The following BCKDHB variants were observed in gnomAD, a reference collection of about 807,000 sequenced individuals.
BCKDHB encodes the protein branched chain keto acid dehydrogenase E1 subunit beta.
Under a neutral mutation model 48.5 loss-of-function variants are expected in BCKDHB, and 41 were observed. The ratio of observed to expected loss-of-function variants is 0.85; its 90% confidence interval spans 0.66 to 1.10. The LOEUF is 1.10. Among genes scored for constraint, BCKDHB ranks in the 50% least tolerant of loss-of-function variants. The pLI is 0.00. For missense variants in BCKDHB, 496 were observed against 494.2 expected, an observed-to-expected ratio of 1.00 and a Z score of -0.03; for synonymous variants, 201 against 174.8, an observed-to-expected ratio of 1.15 and a Z score of -1.18.
intron 8 of BCKDHB, among the ~76,000 whole-genome samples, chr6:80,226,952 C>T (rs954000631): frequency 3.3e-5 from 5 of 152,118 alleles, no homozygotes; most frequent in African/African-American, 9.7e-5. Flanking sequence ...GAGTCAACCT[C>T]TTCTTTATCT....
the BCKDHB span, among the ~76,000 whole-genome samples, chr6:80,456,874 T>A: frequency 6.6e-6 from 1 of 152,236 alleles, no homozygotes; most frequent in Non-Finnish European, 1.5e-5. Context: ...TTAGGACTAG[T>A]ACATCTTCCG....
chr6:80,324,231 C>T (rs555792077), intron 9 of BCKDHB, among the ~76,000 whole-genome samples: 21 of 152,112 alleles, frequency 1.4e-4, no homozygotes, highest in Non-Finnish European at 2.5e-4. Context: ...TACAATTTCC[C>T]AGCATTTAAA....
intron 9 of BCKDHB, among the ~76,000 whole-genome samples, chr6:80,332,729 C>G (rs960936798): frequency 8.3e-5 from 12 of 145,440 alleles, no homozygotes; most frequent in African/African-American, 2.5e-4. Flanking sequence ...AAAACACCTT[C>G]AAACTTACAT....
chr6:80,316,489 G>A (rs1488188936), intron 9 of BCKDHB, among the ~76,000 whole-genome samples: 1 of 151,904 alleles, frequency 6.6e-6, no homozygotes, highest in Non-Finnish European at 1.5e-5. Context: ...CAGCCACTAA[G>A]TTCATATCAT....
At chr6:80,413,915 G>A in the BCKDHB span, among the ~76,000 whole-genome samples, 1 of 151,976 alleles carries the variant, frequency 6.6e-6, no homozygotes, top group Non-Finnish European at 1.5e-5. Context: ...ACACTCCTAC[G>A]AATGTTGCCT....
At position 80,131,595 on chromosome 6, in the gene BCKDHB, G is replaced by A. The variant is rs147600687; in HGVS notation, c.343+2366G>A. ...CCTCCAATCCATTCCCTATCTTGTT[G>A]CCAGTGTGATGATTTTAACATGCAT... On this transcript the variant is annotated intron_variant, in intron 3 of 9. Transcript: ENST00000320393. 6.0e-5 allele frequency among the ~76,000 whole-genome samples: 9 copies of A among 150,966 alleles called. No individual in the cohort carries two copies. In the East Asian group the frequency reaches 1.4e-3, roughly 23 times the overall value.
At chr6:80,259,651 A>G (rs1777206629) in intron 8 of BCKDHB, among the ~76,000 whole-genome samples, 1 of 152,224 alleles carries the variant, frequency 6.6e-6, no homozygotes, top group Non-Finnish European at 1.5e-5. Context: ...TAGCCAAAAG[A>G]ATAATGATAC....
At chr6:80,288,944 T>C (rs1427470324) in intron 9 of BCKDHB, among the ~76,000 whole-genome samples, 1 of 152,096 alleles carries the variant, frequency 6.6e-6, no homozygotes, top group Admixed American at 6.6e-5. Context: ...TAGGGAGCAT[T>C]AATGGTTAAG....
At chr6:80,312,629 T>G (rs1473948266) in intron 9 of BCKDHB, among the ~76,000 whole-genome samples, 1 of 152,214 alleles carries the variant, frequency 6.6e-6, no homozygotes, top group Non-Finnish European at 1.5e-5. Context: ...ATTGAGCATT[T>G]TTAACATGAA....
intron 9 of BCKDHB, 169 bp from the exon 10 acceptor site, chr6:80,343,495 C>A: frequency 1.4e-6 from 1 of 707,114 alleles, no homozygotes. Flanking sequence ...AAACTGGGAT[C>A]ATGCGAACAT....
At chr6:80,448,480 T>C in the BCKDHB span, among the ~76,000 whole-genome samples, 2 of 152,070 alleles carry the variant, frequency 1.3e-5, no homozygotes, top group Non-Finnish European at 2.9e-5. Flanking sequence ...CTAACGGTGG[T>C]TGGGGCCAGG....
At chr6:80,393,012 C>G in the BCKDHB span, among the ~76,000 whole-genome samples, 1 of 151,834 alleles carries the variant, frequency 6.6e-6, no homozygotes, top group Non-Finnish European at 1.5e-5. Flanking sequence ...TATTGACTCT[C>G]TAATACATGT....
At chr6:80,404,529 T>C in the BCKDHB span, among the ~76,000 whole-genome samples, 1 of 152,012 alleles carries the variant, frequency 6.6e-6, no homozygotes, top group Non-Finnish European at 1.5e-5. Flanking sequence ...ATTAGTTTCA[T>C]TGATCATTTC....
chr6:80,408,756 T>C, the BCKDHB span, among the ~76,000 whole-genome samples: 1 of 151,906 alleles, frequency 6.6e-6, no homozygotes, highest in Non-Finnish European at 1.5e-5. Context: ...TTTTCTTCTT[T>C]ATTAGTGTTG....
chr6:80,356,402 T>C, the BCKDHB span: 9 of 152,314 alleles, frequency 5.9e-5, no homozygotes, highest in African/African-American at 2.2e-4. Flanking sequence ...GTTTGTGATT[T>C]ATGGTATATC....
intron 6 of BCKDHB, among the ~76,000 whole-genome samples, chr6:80,184,418 C>T (rs1401733702): frequency 1.3e-5 from 2 of 151,986 alleles, no homozygotes; most frequent in Non-Finnish European, 2.9e-5. Context: ...TTAAGTGGAG[C>T]GTTTAAGCCA....
At chr6:80,275,703 T>A (rs1046450023) in intron 9 of BCKDHB, among the ~76,000 whole-genome samples, 55 of 151,982 alleles carry the variant, frequency 3.6e-4, no homozygotes, top group African/African-American at 1.2e-3. Context: ...AATTTTCCCA[T>A]ATAATTTTGA....
intron 6 of BCKDHB, among the ~76,000 whole-genome samples, chr6:80,172,172 C>T (rs576024285): frequency 6.6e-6 from 1 of 152,096 alleles, no homozygotes; most frequent in South Asian, 2.1e-4. Context: ...GAGATTCATT[C>T]ATGTTTTTGC....
chr6:80,429,296 C>A, the BCKDHB span, among the ~76,000 whole-genome samples: 16 of 152,254 alleles, frequency 1.1e-4, no homozygotes, highest in Non-Finnish European at 2.1e-4. Context: ...AGTTTGAGTT[C>A]AGGTAGCATG....
Sources: gnomAD v4.1 joint callset for allele counts (sites outside exome capture counted in the v4.1 genomes callset) on GRCh38, gnomAD v4.1.1 for gene constraint, MANE v1.5 for transcripts, NCBI Gene and HGNC (gene_info 2026-07-23, HGNC 2026-07-21) for gene names.